Variants in METTL6 observed in about 807,000 individuals in gnomAD.
METTL6 encodes the protein methyltransferase 6, tRNA N3-cytidine.
Under a neutral mutation model 26.4 loss-of-function variants are expected in METTL6, and 22 were observed. The observed-to-expected ratio is 0.83, with a 90% CI of 0.59 to 1.19. The LOEUF (loss-of-function observed/expected upper bound fraction) is 1.19, where lower values mean the gene tolerates loss of function less well. Ranked by LOEUF, METTL6 falls within the 50% of genes most tolerant of loss-of-function variation. The probability of loss-of-function intolerance (pLI) is 0.00; values close to 1 mark genes in which losing one functional copy is unlikely to be tolerated. For synonymous variants in METTL6, 109 were observed against 116.2 expected, an observed-to-expected ratio of 0.94 and a Z score of 0.40; for missense variants, 304 against 324.8, an observed-to-expected ratio of 0.94 and a Z score of 0.49.
rs752610484 is a variant in METTL6, at chr3:15,414,124, G to A, written c.570C>T (p.Tyr190=). 59 of 1,613,506 alleles carry A rather than the reference G, an allele frequency of 3.7e-5. No individual in the cohort carries two copies. Among genetic ancestry groups the A allele is most frequent in the Middle Eastern group, 3.3e-4 (2 of 6,080 alleles). The change falls in exon 5 of 6, where the codon TAC becomes TAT. Residue 190 remains tyrosine, a synonymous_variant. Transcript: ENST00000383790. ...TAAGCATGGCATGATCATACAGTCC[G>A]TAGTCACGAAACAAGACACTTTTGC... ...KPGKSVLFRD[Y]GLYDHAMLRF... is the part of the protein sequence containing the mutation.
chr3:15,389,590 T>C (rs966018858), intron 6 of METTL6, among the ~76,000 whole-genome samples: 2 of 152,104 alleles, frequency 1.3e-5, no homozygotes, highest in African/African-American at 2.4e-5. Flanking sequence ...ACTCTTATTG[T>C]CCAGGCTGGA....
chr3:15,385,474 T>C (rs1220319921), intron 6 of METTL6, among the ~76,000 whole-genome samples: 1 of 152,098 alleles, frequency 6.6e-6, no homozygotes, highest in Non-Finnish European at 1.5e-5. Flanking sequence ...GGTGCACGCC[T>C]GTAATTCCAG....
At chr3:15,407,913 G>A (rs183315856), downstream of METTL6, among the ~76,000 whole-genome samples, 494 of 152,220 alleles carry the variant, frequency 3.2e-3, 3 homozygotes, top group Non-Finnish European at 4.1e-3. Flanking sequence ...CAGGTTTATC[G>A]CATGGAGTCT....
chr3:15,413,733 T>A (rs1422113739), intron 5 of METTL6: 1 of 1,351,778 alleles, frequency 7.4e-7, no homozygotes, highest in African/African-American at 1.5e-5. Flanking sequence ...TCCCTCTTAT[T>A]CCAGCACAAT....
At chr3:15,399,825 G>A (rs941565503) in intron 6 of METTL6, among the ~76,000 whole-genome samples, 1 of 152,054 alleles carries the variant, frequency 6.6e-6, no homozygotes, top group African/African-American at 2.4e-5. Flanking sequence ...CCCAAAATAT[G>A]ACTGTGGAAG....
At position 15,425,004 on chromosome 3, in the gene METTL6, A is replaced by G; in HGVS notation, c.311T>C (p.Ile104Thr). The change falls in exon 3 of 6, where the codon ATC (isoleucine) becomes ACC (threonine). Residue 104 changes from isoleucine (I) to threonine (T), a missense_variant. By Grantham distance (89) the Ile-to-Thr change is moderately conservative (BLOSUM62 -1). Transcript: ENST00000383790. The stretch of plus-strand genomic sequence containing the variant: ...AGAAAAATCACAGGCATAGGCAAAG[A>G]TATTCGGATCTTCTTCTAAAAGTGG... ...LFPLLEEDPN[I>T]FAYACDFSPR... 1 of 1,614,230 alleles carries G rather than the reference A, an allele frequency of 6.2e-7. No homozygotes were observed. Among genetic ancestry groups the G allele is most frequent in the Non-Finnish European group, 8.5e-7 (1 of 1,180,042 alleles).
In METTL6 at chr3:15,427,475, A is replaced by C. The variant is rs139779980; in HGVS notation, c.-198T>G. On this transcript the variant is annotated 5_prime_UTR_variant, in exon 1 of 6. Transcript: ENST00000383790. ...GCGAAACAACCCTAAACCAATTCTG[A>C]GGACCACGAATTCGGATTATCCGGG... is the stretch of plus-strand genomic sequence containing the variant. 2,135 of 446,898 alleles carry C rather than the reference A, an allele frequency of 4.8e-3. 11 individuals carry two copies. The highest frequency in any genetic ancestry group is 9.8e-3 in the Admixed American group (258 of 26,452). The allele number at this position is 446,898 out of a possible 1,614,324, so 27.7% of individuals were successfully genotyped here.
At chr3:15,386,189 C>T (rs971139572) in intron 6 of METTL6, among the ~76,000 whole-genome samples, 2 of 152,312 alleles carry the variant, frequency 1.3e-5, no homozygotes, top group Admixed American at 1.3e-4. Context: ...TGTAGGGTAA[C>T]TTCCAGGCAC....
intron 6 of METTL6, among the ~76,000 whole-genome samples, chr3:15,396,933 G>C (rs1046390805): frequency 6.6e-6 from 1 of 152,182 alleles, no homozygotes; most frequent in African/African-American, 2.4e-5. Flanking sequence ...TCAGGGGTCA[G>C]GGACCCACTT....
intron 6 of METTL6, among the ~76,000 whole-genome samples, chr3:15,404,612 A>C (rs1301151847): frequency 1.3e-5 from 2 of 151,660 alleles, no homozygotes; most frequent in Non-Finnish European, 2.9e-5. Flanking sequence ...CGGCCTCCCA[A>C]AGTGCTGGGA....
At chr3:15,421,385 A>G (rs1238624536) in intron 3 of METTL6, among the ~76,000 whole-genome samples, 1 of 152,200 alleles carries the variant, frequency 6.6e-6, no homozygotes, top group African/African-American at 2.4e-5. Flanking sequence ...ACTGCTTGTG[A>G]TTGTGGATGA....
At chr3:15,414,889 T>C (rs1408958110) in intron 4 of METTL6, 2 of 1,009,964 alleles carry the variant, frequency 2.0e-6, no homozygotes, top group Admixed American at 2.7e-5. Flanking sequence ...GCCACTGCAC[T>C]CCAGCCTGAG....
intron 4 of METTL6, 189 bp from the exon 5 acceptor site, chr3:15,414,351 A>T: frequency 7.5e-7 from 1 of 1,324,672 alleles, no homozygotes; most frequent in Non-Finnish European, 9.6e-7. Flanking sequence ...TAACACTAAG[A>T]CACTTCTTTT....
intron 5 of METTL6, 106 bp downstream of exon 5, chr3:15,413,915 G>A (rs1700076903): frequency 5.1e-6 from 8 of 1,575,014 alleles, no homozygotes; most frequent in Non-Finnish European, 5.2e-6. Context: ...TCAGGGTCTC[G>A]TGCACATGTC....
In METTL6 at chr3:15,402,663, G is replaced by A. The variant is rs551544583; in HGVS notation, c.*11+8582C>T. Among the ~76,000 whole-genome samples the A allele has an allele frequency of 3.4e-4, 52 of 151,586 alleles. No homozygotes were observed. In the South Asian group the frequency reaches 0.01, roughly 29 times the overall value. ...ACAGGAGAATCACTTGAACCGAGGAGGCGGAGGTTGCAGTGAGCCGAGATG... is the reference window on the plus strand; with the variant it reads ...ACAGGAGAATCACTTGAACCGAGGAAGCGGAGGTTGCAGTGAGCCGAGATG... On this transcript the variant is annotated intron_variant, in intron 6 of 6. Coordinates refer to the METTL6 transcript ENST00000443029.
At chr3:15,392,686 A>T (rs1217568488) in intron 6 of METTL6, among the ~76,000 whole-genome samples, 1 of 152,200 alleles carries the variant, frequency 6.6e-6, no homozygotes, top group African/African-American at 2.4e-5. Context: ...AGGAATAAGG[A>T]AGGGATCCAG....
upstream of METTL6, chr3:15,427,631 T>C (rs767213809): frequency 1.3e-6 from 1 of 763,196 alleles, no homozygotes; most frequent in Non-Finnish European, 2.2e-6. Flanking sequence ...GAGAACTTGC[T>C]TCTGGACCCG....
intron 3 of METTL6, among the ~76,000 whole-genome samples, chr3:15,424,216 T>C (rs2061670424): frequency 6.6e-6 from 1 of 152,126 alleles, no homozygotes; most frequent in African/African-American, 2.4e-5. Context: ...CCGGGAACTA[T>C]TTGGGGAAAT....
intron 3 of METTL6, among the ~76,000 whole-genome samples, chr3:15,423,550 T>C (rs375016704): frequency 1.1e-4 from 17 of 151,712 alleles, no homozygotes; most frequent in African/African-American, 3.6e-4. Context: ...CTAGGCAACA[T>C]AGGGAAACCT....
Sources: gnomAD v4.1 joint callset for allele counts (sites outside exome capture counted in the v4.1 genomes callset) on GRCh38, gnomAD v4.1.1 for gene constraint, MANE v1.5 for transcripts, NCBI Gene and HGNC (gene_info 2026-07-23, HGNC 2026-07-21) for gene names.